Variants in ABCB5 observed in about 807,000 individuals in gnomAD.
The protein encoded by ABCB5 is ATP-binding cassette sub-family B member 5.
Under a neutral mutation model 144.2 loss-of-function variants are expected in ABCB5, and 155 were observed. The observed-to-expected ratio is 1.08, with a 90% CI of 0.94 to 1.23. The LOEUF is 1.23. ABCB5 is among the 50% of genes most tolerant of loss of function. ABCB5 has a pLI of 0.00. For missense variants in ABCB5, 1,830 were observed against 1,520.8 expected (o/e 1.20, Z -3.38); for synonymous variants, 610 against 528.6 (o/e 1.15, Z -2.11).
chr7:20,634,308 C>T (rs1784105044), intron 5 of ABCB5, among the ~76,000 whole-genome samples: 1 of 150,716 alleles, frequency 6.6e-6, no homozygotes, highest in South Asian at 2.1e-4. Context: ...CTGATGAACA[C>T]TTAGGTTGAG....
chr7:20,633,636 C>T (rs1423294494), intron 5 of ABCB5, among the ~76,000 whole-genome samples: 1 of 152,114 alleles, frequency 6.6e-6, no homozygotes, highest in Non-Finnish European at 1.5e-5. Flanking sequence ...TATCTTTCTT[C>T]TAGCTATTTG....
intron 14 of ABCB5, 150 bp from the exon 15 acceptor site, chr7:20,681,355 G>A (rs1035061978): frequency 1.4e-6 from 1 of 705,962 alleles, no homozygotes; most frequent in African/African-American, 1.8e-5. Flanking sequence ...TCTAACTCGT[G>A]ACCTCAGGTG....
Position 20,632,057 on chromosome 7 carries a change from A to G in ABCB5, c.260-2A>G. On this transcript the variant is annotated splice_acceptor_variant, in intron 4 of 27. Transcript: ENST00000404938. LOFTEE classifies it high-confidence loss of function. The stretch of plus-strand genomic sequence containing the variant: ...CTATATTTTAAATAACCTTTTTTAC[A>G]GCAAATTATCAGAACTGTACTCAGT... 1.3e-6 allele frequency: 2 copies of G among 1,506,470 alleles called. No individual in the cohort carries two copies. Among genetic ancestry groups the G allele is most frequent in the Non-Finnish European group, 8.9e-7 (1 of 1,124,926 alleles). The allele number at this position is 1,506,470 out of a possible 1,614,324, so 93.3% of individuals were successfully genotyped here.
chr7:20,740,639 T>C (rs1782532096), intron 24 of ABCB5, among the ~76,000 whole-genome samples: 1 of 152,214 alleles, frequency 6.6e-6, no homozygotes, highest in Non-Finnish European at 1.5e-5. Context: ...CTCCTATTTC[T>C]TTCTGCAGAT....
At chr7:20,712,201 T>C (rs1247547851) in intron 20 of ABCB5, among the ~76,000 whole-genome samples, 2 of 49,772 alleles carry the variant, frequency 4.0e-5, no homozygotes, top group Non-Finnish European at 7.2e-5. Context: ...GATATTGCTC[T>C]ACTGTCTTCT....
chr7:20,755,009 G>T (rs1783042770), intron 27 of ABCB5, among the ~76,000 whole-genome samples: 1 of 151,908 alleles, frequency 6.6e-6, no homozygotes, highest in Admixed American at 6.6e-5. Context: ...GAGTGCAATG[G>T]CACGATCTCA....
chr7:20,652,378 G>A (rs1020674339), intron 13 of ABCB5, among the ~76,000 whole-genome samples: 8 of 152,130 alleles, frequency 5.3e-5, no homozygotes, highest in Admixed American at 4.6e-4. Context: ...GACCAGCTTC[G>A]CCAACATGGT....
chr7:20,720,545 A>G (rs894439894), intron 20 of ABCB5, among the ~76,000 whole-genome samples: 4 of 152,144 alleles, frequency 2.6e-5, no homozygotes, highest in Non-Finnish European at 4.4e-5. Context: ...TAAGATGCAT[A>G]ATTTGAATCT....
At chr7:20,652,910 T>A (rs1226444889) in intron 13 of ABCB5, among the ~76,000 whole-genome samples, 4 of 152,012 alleles carry the variant, frequency 2.6e-5, no homozygotes, top group Non-Finnish European at 5.9e-5. Flanking sequence ...CTTGACGGAC[T>A]GTAATAATTT....
At chr7:20,671,095 A>T (rs1785449834) in intron 14 of ABCB5, among the ~76,000 whole-genome samples, 2 of 152,142 alleles carry the variant, frequency 1.3e-5, no homozygotes, top group Admixed American at 6.5e-5. Flanking sequence ...CATAAAAATG[A>T]CCCATAGAAA....
chr7:20,628,082 A>C (rs1033965749), intron 3 of ABCB5, among the ~76,000 whole-genome samples: 3 of 152,192 alleles, frequency 2.0e-5, no homozygotes, highest in Non-Finnish European at 4.4e-5. Context: ...ATATGTATAC[A>C]TGTGCCATGT....
intron 20 of ABCB5, among the ~76,000 whole-genome samples, chr7:20,708,818 T>C (rs1292203025): frequency 1.3e-5 from 2 of 152,252 alleles, no homozygotes; most frequent in Non-Finnish European, 2.9e-5. Flanking sequence ...AGGCTTGTTT[T>C]CTGCTGTACA....
intron 25 of ABCB5, among the ~76,000 whole-genome samples, chr7:20,743,892 T>TA (rs1167027281): frequency 6.6e-6 from 1 of 152,108 alleles, no homozygotes; most frequent in African/African-American, 2.4e-5. Flanking sequence ...GCACATAGCA[T>TA]AGCACACTCC....
In ABCB5 at chr7:20,728,305, T is replaced by A. The variant is rs762604266; in HGVS notation, c.2727-10T>A. On this transcript the variant is annotated splice_polypyrimidine_tract_variant and intron_variant, in intron 22 of 27. Transcript: ENST00000404938. ...ATGCCTCATTATTTGGTAAATTTTG[T>A]ACATTCCAGAAATACCTCGAAGAAA... 4 of 1,613,354 alleles carry A rather than the reference T, an allele frequency of 2.5e-6. No individual in the cohort carries two copies. The highest frequency in any genetic ancestry group is 3.4e-6 in the Non-Finnish European group (4 of 1,179,606).
intron 25 of ABCB5, 64 bp downstream of exon 25, chr7:20,743,138 G>A (rs1383356736): frequency 1.9e-6 from 3 of 1,542,032 alleles, no homozygotes; most frequent in Non-Finnish European, 2.7e-6. Context: ...ACATTCACTA[G>A]GGCTTAAGCA....
chr7:20,701,445 T>C (rs945182422), intron 19 of ABCB5, among the ~76,000 whole-genome samples: 2 of 152,220 alleles, frequency 1.3e-5, no homozygotes, highest in Admixed American at 1.3e-4. Flanking sequence ...TGTTTGTTTT[T>C]ATACAGAAGA....
chr7:20,680,588 C>T (rs1026280730), intron 14 of ABCB5, among the ~76,000 whole-genome samples: 1 of 149,258 alleles, frequency 6.7e-6, no homozygotes, highest in Non-Finnish European at 1.5e-5. Flanking sequence ...AAAAAAAAAC[C>T]GACTGACTTG....
chr7:20,680,955 C>T (rs1385644199), intron 14 of ABCB5, among the ~76,000 whole-genome samples: 1 of 151,052 alleles, frequency 6.6e-6, no homozygotes, highest in Non-Finnish European at 1.5e-5. Context: ...TTCTTTCCCT[C>T]CCTCCCTCCT....
intron 19 of ABCB5, among the ~76,000 whole-genome samples, chr7:20,701,266 C>T (rs1025356189): frequency 6.6e-6 from 1 of 152,192 alleles, no homozygotes; most frequent in Admixed American, 6.5e-5. Context: ...GTCTTTACTG[C>T]AAATATTCCA....
Sources: allele counts gnomAD v4.1 joint callset (sites outside exome capture counted in the v4.1 genomes callset), GRCh38; gene constraint gnomAD v4.1.1; transcripts MANE v1.5; gene names NCBI Gene and HGNC (gene_info 2026-07-23, HGNC 2026-07-21).